Variants in EIF5A observed in about 807,000 individuals in gnomAD.
EIF5A encodes the protein eukaryotic translation initiation factor 5A.
EIF5A carries 1 observed loss-of-function variant against 16.6 expected under a neutral mutation model. The ratio of observed to expected loss-of-function variants is 0.06; its 90% CI spans 0.02 to 0.28. The LOEUF (loss-of-function observed/expected upper bound fraction) is 0.28. Among genes scored for constraint, EIF5A ranks in the 10% least tolerant of loss-of-function variants. The pLI is 1.00. For synonymous variants in EIF5A, 80 were observed against 73.6 expected (o/e 1.09, Z -0.44); for missense variants, 29 against 196.1 (o/e 0.15, Z 5.09).
At chr17:7,309,859 C>T in intron 2 of EIF5A, 59 bp downstream of exon 2, 1 of 1,614,064 alleles carries the variant, frequency 6.2e-7, no homozygotes, top group Non-Finnish European at 8.5e-7. Flanking sequence ...TTGGCGCTCC[C>T]AGCAGCAAGC....
chr17:7,307,588 A>G, upstream of EIF5A: 1 of 1,012,548 alleles, frequency 9.9e-7, no homozygotes, highest in Non-Finnish European at 1.2e-6. Flanking sequence ...CGCGGCTGTC[A>G]TAGGGCTGCT....
chr17:7,308,609 G>C lies in EIF5A; in HGVS notation c.-22+857G>C, dbSNP rs976170844. 6 of 1,348,018 alleles carry C rather than the reference G, an allele frequency of 4.5e-6. No individual in the cohort carries two copies. In the African/African-American group the frequency reaches 8.9e-5, roughly 20 times the overall value. The allele number at this position is 1,348,018 out of a possible 1,614,324, so 83.5% of individuals were successfully genotyped here. A position where few individuals can be genotyped will look rare whatever the true frequency, so the allele number is the denominator to read the frequency against. On this transcript the variant is annotated intron_variant, in intron 1 of 5. Coordinates refer to ENST00000336458, the MANE Select transcript of EIF5A (RefSeq NM_001970.5). ...CACCCCTTCGAGCTGGGAGGCCGGAGAAATGGGGAAACAGGGCGTTTGGAC... is the reference window on the plus strand; with the variant it reads ...CACCCCTTCGAGCTGGGAGGCCGGACAAATGGGGAAACAGGGCGTTTGGAC...
At chr17:7,310,415 T>C (rs2072784574) in intron 2 of EIF5A, 7 of 1,182,926 alleles carry the variant, frequency 5.9e-6, no homozygotes, top group Non-Finnish European at 7.4e-6. Flanking sequence ...CCTGTCTCTT[T>C]AGAATTTCAA....
intron 2 of EIF5A, 109 bp from the exon 3 acceptor site, chr17:7,310,909 G>GC: frequency 6.8e-7 from 1 of 1,461,058 alleles, no homozygotes; most frequent in Non-Finnish European, 9.1e-7. Flanking sequence ...TCCAGTCTTT[G>GC]CCCCAACAAT....
At chr17:7,307,382 G>C, upstream of EIF5A, 1 of 1,218,020 alleles carries the variant, frequency 8.2e-7, no homozygotes, top group Non-Finnish European at 1.0e-6. Context: ...GGGGAGGGAA[G>C]ATGAGGTTGA....
upstream of EIF5A, chr17:7,307,032 A>G (rs772289588): frequency 2.1e-5 from 34 of 1,585,450 alleles, no homozygotes; most frequent in Non-Finnish European, 1.4e-5. Flanking sequence ...TGGGGCGGAA[A>G]GACATCTCCC....
chr17:7,311,217 AGAG>A, intron 3 of EIF5A, 95 bp downstream of exon 3: 2 of 1,577,560 alleles, frequency 1.3e-6, no homozygotes, highest in South Asian at 2.3e-5. Context: ...GTGCTGGGAG[AGAG>A]GAGGGAAATG....
At position 7,311,915 on chromosome 17, in the gene EIF5A, C is replaced by T. The variant is rs867260909; in HGVS notation, c.*105C>T. On this transcript the variant is annotated 3_prime_UTR_variant, in exon 6 of 6. Coordinates refer to ENST00000336458, the MANE Select transcript of EIF5A (RefSeq NM_001970.5). ...TGGCCCGGTCCTAAGCTGGACTCCT[C>T]CTACACAATTTATTTGACGTTTTAT... 4 of 560,366 alleles carry T rather than the reference C, an allele frequency of 7.1e-6. No individual in the cohort carries two copies. Among genetic ancestry groups the T allele is most frequent in the East Asian group, 3.1e-5 (1 of 32,268 alleles). The allele number at this position is 560,366 out of a possible 1,614,324, so 34.7% of individuals were successfully genotyped here.
At chr17:7,310,126 C>G (rs561838147) in intron 2 of EIF5A, 4 of 1,324,892 alleles carry the variant, frequency 3.0e-6, no homozygotes, top group Non-Finnish European at 4.0e-6. Flanking sequence ...TTCACTTTTT[C>G]TTTCTTCCCT....
chr17:7,307,636 A>G lies in EIF5A; in HGVS notation c.-138A>G. On this transcript the variant is annotated 5_prime_UTR_variant, in exon 1 of 6. Coordinates refer to ENST00000336458, the MANE Select transcript of EIF5A (RefSeq NM_001970.5). ...GGGGAGTCGGCGCCTGCGTACTAAG[A>G]CCCGTGTGCAGCAGCGGCGGCGGCG... 2.9e-6 allele frequency: 3 copies of G among 1,039,762 alleles called. No homozygotes were observed. The highest frequency in any genetic ancestry group is 3.5e-6 in the Non-Finnish European group (3 of 865,242). The allele number at this position is 1,039,762 out of a possible 1,614,324, so 64.4% of individuals were successfully genotyped here. A position where few individuals can be genotyped will look rare whatever the true frequency, so the allele number is the denominator to read the frequency against.
intron 2 of EIF5A, chr17:7,310,551 C>T (rs958916485): frequency 1.7e-5 from 18 of 1,089,308 alleles, no homozygotes; most frequent in African/African-American, 1.4e-4. Context: ...TTCTGGCTTC[C>T]TTATTTTCTA....
rs767631477 is a variant in EIF5A, at chr17:7,308,603, G to C, written c.-22+851G>C. On this transcript the variant is annotated intron_variant, in intron 1 of 5. Transcript: ENST00000336458. ...AAGTGGCACCCCTTCGAGCTGGGAG[G>C]CCGGAGAAATGGGGAAACAGGGCGT... 6 of 1,348,318 alleles carry C rather than the reference G, an allele frequency of 4.4e-6. No homozygotes were observed. The South Asian group carries it at 4.6e-5, about 10-fold the overall frequency. The allele number at this position is 1,348,318 out of a possible 1,614,324, so 83.5% of individuals were successfully genotyped here.
chr17:7,308,324 T>G, intron 1 of EIF5A: 1 of 1,158,510 alleles, frequency 8.6e-7, no homozygotes, highest in South Asian at 1.6e-5. Context: ...CGGGGACCCC[T>G]CCCCCCAGGT....
upstream of EIF5A, chr17:7,307,113 C>T: frequency 6.3e-7 from 1 of 1,595,990 alleles, no homozygotes; most frequent in Non-Finnish European, 8.5e-7. Flanking sequence ...TTTTCTGAAA[C>T]GTGTGAGTCG....
chr17:7,310,841 G>A, intron 2 of EIF5A, 177 bp from the exon 3 acceptor site: 1 of 985,102 alleles, frequency 1.0e-6, no homozygotes. Flanking sequence ...TTTAGCCTCT[G>A]TTTTTTTTCT....
chr17:7,310,455 GTGT>G, intron 2 of EIF5A: 1 of 1,043,344 alleles, frequency 9.6e-7, no homozygotes, highest in Non-Finnish European at 1.2e-6. Context: ...ATTTCTTGTG[GTGT>G]TTTTCCTTAA....
rs890078491 is a variant in EIF5A, at chr17:7,307,688, G to C, written c.-86G>C. The C allele has an allele frequency of 9.5e-7, 1 of 1,049,574 alleles. No individual in the cohort carries two copies. The highest frequency in any genetic ancestry group is 1.1e-6 in the Non-Finnish European group (1 of 871,974). The allele number at this position is 1,049,574 out of a possible 1,614,324, so 65.0% of individuals were successfully genotyped here. ...TAGAGGCGGCGGCGGCGGCGGCAGC[G>C]GGCTCGGAGGCAGCGGTTGGGCTCG... On this transcript the variant is annotated 5_prime_UTR_variant, in exon 1 of 6. Coordinates refer to ENST00000336458, the MANE Select transcript of EIF5A (RefSeq NM_001970.5).
At chr17:7,309,493 A>C (rs1022068109) in intron 1 of EIF5A, 122 bp from the exon 2 acceptor site, 2 of 1,331,428 alleles carry the variant, frequency 1.5e-6, no homozygotes, top group African/African-American at 2.9e-5. Context: ...AGGAACTTTG[A>C]CTTTATTTTA....
In EIF5A at chr17:7,310,625, T is replaced by G. The variant is rs1198307257; in HGVS notation, c.166-393T>G. On this transcript the variant is annotated intron_variant, in intron 2 of 5. Coordinates refer to ENST00000336458, the MANE Select transcript of EIF5A (RefSeq NM_001970.5). ...CTTCAGCTCTTTCACATTTCTTAGT[T>G]TCTTATCCTTTCCCTTCTACCTTCC... 3 of 985,276 alleles carry G rather than the reference T, an allele frequency of 3.0e-6. No homozygotes were observed. In the African/African-American group the frequency reaches 5.2e-5, roughly 17 times the overall value. The allele number at this position is 985,276 out of a possible 1,614,324, so 61.0% of individuals were successfully genotyped here. A position where few individuals can be genotyped will look rare whatever the true frequency, so the allele number is the denominator to read the frequency against.
Sources: gnomAD v4.1 joint callset for allele counts on GRCh38, gnomAD v4.1.1 for gene constraint, MANE v1.5 for transcripts, NCBI Gene and HGNC (gene_info 2026-07-23, HGNC 2026-07-21) for gene names.